The following MED12L variants were observed in gnomAD, a reference collection of about 807,000 sequenced individuals.
The protein encoded by MED12L is mediator of RNA polymerase II transcription subunit 12-like protein.
MED12L carries 60 observed loss-of-function variants against 281.3 expected under a neutral mutation model. That is an observed-to-expected ratio of 0.21 (90% CI 0.17 to 0.26). MED12L has a LOEUF of 0.26. Among genes scored for constraint, MED12L ranks in the 10% least tolerant of loss-of-function variants. MED12L has a pLI of 1.00. For missense variants in MED12L, 2,146 were observed against 2,680.9 expected (o/e 0.80, Z 4.41); for synonymous variants, 974 against 987.2 (o/e 0.99, Z 0.25).
intron 5 of MED12L, among the ~76,000 whole-genome samples, chr3:151,153,091 A>G (rs1718776415): frequency 1.3e-5 from 2 of 152,226 alleles, no homozygotes; most frequent in African/African-American, 2.4e-5. Flanking sequence ...TTGTACTACT[A>G]AAACAAAGCA....
intron 33 of MED12L, among the ~76,000 whole-genome samples, 183 bp downstream of exon 33, chr3:151,382,928 C>T (rs1469464636): frequency 2.0e-5 from 3 of 152,174 alleles, no homozygotes; most frequent in Non-Finnish European, 4.4e-5. Context: ...TCCTTCCTGT[C>T]TGGTCAGACA....
intron 16 of MED12L, among the ~76,000 whole-genome samples, chr3:151,307,517 C>T (rs1289948832): frequency 7.0e-6 from 1 of 143,190 alleles, no homozygotes; most frequent in Non-Finnish European, 1.5e-5. Flanking sequence ...TTTTAGGTGA[C>T]CTCAGGTAAC....
intron 16 of MED12L, among the ~76,000 whole-genome samples, chr3:151,230,813 C>CT (rs1731519561): frequency 6.6e-6 from 1 of 152,172 alleles, no homozygotes; most frequent in South Asian, 2.1e-4. Flanking sequence ...TGAAACCCCC[C>CT]TGCCAATGCA....
intron 16 of MED12L, among the ~76,000 whole-genome samples, chr3:151,207,846 T>G (rs1726586297): frequency 6.6e-6 from 1 of 152,136 alleles, no homozygotes; most frequent in Non-Finnish European, 1.5e-5. Flanking sequence ...CAGAGGAGAC[T>G]GAGGTTTTAG....
At chr3:151,172,928 G>A (rs1416192283) in intron 11 of MED12L, among the ~76,000 whole-genome samples, 1 of 152,180 alleles carries the variant, frequency 6.6e-6, no homozygotes, top group Non-Finnish European at 1.5e-5. Context: ...GAAATAATGT[G>A]TTAGTAAAAG....
chr3:151,276,318 A>G (rs1354648005), intron 16 of MED12L, among the ~76,000 whole-genome samples: 1 of 152,220 alleles, frequency 6.6e-6, no homozygotes, highest in Non-Finnish European at 1.5e-5. Context: ...GCACTTTGAG[A>G]TCCACTGCTC....
chr3:151,218,736 A>G (rs1728725437), intron 16 of MED12L, among the ~76,000 whole-genome samples: 1 of 151,590 alleles, frequency 6.6e-6, no homozygotes, highest in Non-Finnish European at 1.5e-5. Context: ...GTGTGGTGGC[A>G]TACACCTGTA....
chr3:151,338,013 TAGAAC>T (rs1293022930), intron 16 of MED12L: 4 of 1,614,096 alleles, frequency 2.5e-6, no homozygotes, highest in Non-Finnish European at 3.4e-6. Context: ...CTCTTTCACA[TAGAAC>T]AGAGTATTTT....
At chr3:151,426,401 GCAGC>G (rs1718876664) in intron 43 of MED12L, among the ~76,000 whole-genome samples, 1 of 152,184 alleles carries the variant, frequency 6.6e-6, no homozygotes, top group African/African-American at 2.4e-5. Context: ...GGTGTTGGAG[GCAGC>G]CCTCATCCCC....
Position 151,432,096 on chromosome 3 carries a change from C to T in MED12L, c.6491-656C>T, listed in dbSNP as rs140310223. On this transcript the variant is annotated intron_variant, in intron 44 of 44. Coordinates refer to ENST00000687756, the MANE Select transcript of MED12L (RefSeq NM_001393769.1). ...CTGCTCACCACACAACTCCAGAGGG[C>T]TCCTTTGATAGCATGGCCCATGTGA... Among the ~76,000 whole-genome samples, 10 of 152,320 alleles carry T rather than the reference C, an allele frequency of 6.6e-5. 1 individual carries two copies. In the East Asian group the frequency reaches 1.9e-3, roughly 29 times the overall value.
rs1177939769 is a variant in MED12L, at chr3:151,382,675, A to G, written c.4610A>G (p.Glu1537Gly). Residue 1537 changes from glutamate to glycine, a missense_variant, in exon 33 of 45, where the codon GAA (glutamate) becomes GGA (glycine). Physicochemically the swap from Glu to Gly is moderately conservative, Grantham distance 98 (BLOSUM62 -2). This residue lies in a region of MED12L where 212 missense variants were observed against 340.8 expected (regional missense o/e 0.62). Coordinates refer to ENST00000687756, the MANE Select transcript of MED12L (RefSeq NM_001393769.1). ...TCTTAGATTTTAAGTAACTGGAGAG[A>G]AGAACGATACCAAGATGACATAAAA... is the stretch of plus-strand genomic sequence containing the variant. ...QVNQILSNWR[E>G]ERYQDDIKAR... 6.2e-7 allele frequency: 1 copy of G among 1,610,772 alleles called. No individual in the cohort carries two copies. Among genetic ancestry groups the G allele is most frequent in the South Asian group, 1.1e-5 (1 of 90,288 alleles).
At chr3:151,142,677 G>A (rs1717221497) in intron 5 of MED12L, among the ~76,000 whole-genome samples, 1 of 152,110 alleles carries the variant, frequency 6.6e-6, no homozygotes, top group Non-Finnish European at 1.5e-5. Flanking sequence ...TAAAAAATTG[G>A]TGCTTGCTCC....
chr3:151,213,619 C>A, intron 16 of MED12L: 2 of 1,614,104 alleles, frequency 1.2e-6, no homozygotes, highest in Non-Finnish European at 1.7e-6. Flanking sequence ...GAATATGTTG[C>A]GGCTAGATTT....
chr3:151,238,759 C>A (rs1733443779), intron 16 of MED12L, among the ~76,000 whole-genome samples: 2 of 152,118 alleles, frequency 1.3e-5, no homozygotes, highest in Admixed American at 6.5e-5. Flanking sequence ...TAAATCTCAA[C>A]CATAAAAATA....
intron 42 of MED12L, among the ~76,000 whole-genome samples, chr3:151,415,481 A>T (rs1560141659): frequency 6.6e-6 from 1 of 152,228 alleles, no homozygotes; most frequent in East Asian, 1.9e-4. Context: ...ATCCATGAGC[A>T]TTGTCACTTA....
At chr3:151,254,325 A>G (rs1399356772) in intron 16 of MED12L, among the ~76,000 whole-genome samples, 3 of 152,188 alleles carry the variant, frequency 2.0e-5, no homozygotes, top group Admixed American at 6.5e-5. Flanking sequence ...CATTCACGTA[A>G]CTAGAGCTAT....
intron 16 of MED12L, among the ~76,000 whole-genome samples, chr3:151,211,261 T>A (rs1281751866): frequency 6.6e-6 from 1 of 152,214 alleles, no homozygotes; most frequent in African/African-American, 2.4e-5. Flanking sequence ...ATCTTCTCTT[T>A]TTCACTTTCA....
chr3:151,172,793 T>G (rs1721594446), intron 11 of MED12L, among the ~76,000 whole-genome samples: 1 of 152,264 alleles, frequency 6.6e-6, no homozygotes, highest in South Asian at 2.1e-4. Flanking sequence ...GTGCTGAATT[T>G]ATGTTGTTGA....
At chr3:151,114,562 T>G (rs1402127073) in intron 2 of MED12L, among the ~76,000 whole-genome samples, 1 of 152,226 alleles carries the variant, frequency 6.6e-6, no homozygotes, top group Non-Finnish European at 1.5e-5. Flanking sequence ...CATAGAGGAA[T>G]AAGTGTATCT....
Sources: allele counts gnomAD v4.1 joint callset (sites outside exome capture counted in the v4.1 genomes callset), GRCh38; gene constraint gnomAD v4.1.1; regional missense constraint gnomAD v4.1.1; transcripts MANE v1.5; gene names NCBI Gene and HGNC (gene_info 2026-07-23, HGNC 2026-07-21).